ASXL2: variants seen among roughly 807,000 people sequenced by gnomAD.
The protein encoded by ASXL2 is putative Polycomb group protein ASXL2.
Under a neutral mutation model 122.0 loss-of-function variants are expected in ASXL2, and 23 were observed. That is an observed-to-expected ratio of 0.19 (90% CI 0.14 to 0.27). The LOEUF (loss-of-function observed/expected upper bound fraction) is 0.27. ASXL2 is among the 10% of genes least tolerant of loss of function. The probability of loss-of-function intolerance (pLI) is 1.00; values close to 1 mark genes in which losing one functional copy is unlikely to be tolerated. For synonymous variants in ASXL2, 650 were observed against 637.0 expected (o/e 1.02, Z -0.31); for missense variants, 1,518 against 1,713.8 (o/e 0.89, Z 2.02).
At chr2:25,861,975 A>T (rs192084327) in intron 1 of ASXL2, among the ~76,000 whole-genome samples, 151 of 152,352 alleles carry the variant, frequency 9.9e-4, no homozygotes, top group Admixed American at 2.7e-3. Flanking sequence ...ACTGTATCAG[A>T]TGGTAGAATG....
chr2:25,867,216 T>C (rs929131911), intron 1 of ASXL2, among the ~76,000 whole-genome samples: 2 of 152,268 alleles, frequency 1.3e-5, no homozygotes, highest in East Asian at 1.9e-4. Flanking sequence ...TTTGTATTTT[T>C]AGTAGAGACA....
chr2:25,800,424 A>C (rs576516093), intron 4 of ASXL2, among the ~76,000 whole-genome samples: 1 of 152,234 alleles, frequency 6.6e-6, no homozygotes, highest in East Asian at 2.0e-4. Context: ...CATTATTTGA[A>C]TCTAATTGGT....
In ASXL2 at chr2:25,743,735, G is replaced by A. The variant is rs1236115035; in HGVS notation, c.2602C>T (p.Pro868Ser). Residue 868 changes from proline (P) to serine (S), a missense_variant, in exon 13 of 13, where the codon CCT becomes TCT. Pro to Ser is a moderately conservative substitution (Grantham distance 74). This residue lies in a region of ASXL2 where 831 missense variants were observed against 833.1 expected (regional missense o/e 1.00). Coordinates refer to ENST00000435504, the MANE Select transcript of ASXL2 (RefSeq NM_018263.6). The stretch of plus-strand genomic sequence containing the variant: ...GCATCTGTCTTTGATGAGGCTGAAG[G>A]GTTAGGTATATTCTTACTAGGACCT... The part of the protein sequence containing the change: ...KAGPSKNIPN[P>S]SASSKTDASV... 1 of 1,613,972 alleles carries A rather than the reference G, an allele frequency of 6.2e-7. No individual in the cohort carries two copies. The highest frequency in any genetic ancestry group is 1.7e-5 in the Admixed American group (1 of 60,026).
rs2087916811 is a variant in ASXL2, at chr2:25,744,977, A to T, written c.1861-501T>A. Among the ~76,000 whole-genome samples, 1 of 133,052 alleles carries T rather than the reference A, an allele frequency of 7.5e-6. No homozygotes were observed. Among genetic ancestry groups the T allele is most frequent in the Admixed American group, 7.9e-5 (1 of 12,594 alleles). The allele number at this position is 133,052 out of a possible 152,430, so 87.3% of individuals were successfully genotyped here. A position where few individuals can be genotyped will look rare whatever the true frequency, so the allele number is the denominator to read the frequency against. ...CACACACACACACACACACACACAC[A>T]CACTTGGGCTGGATTATCTCAAATT... On this transcript the variant is annotated intron_variant, in intron 12 of 12. Coordinates refer to ENST00000435504, the MANE Select transcript of ASXL2 (RefSeq NM_018263.6). The surrounding 1 kb of genome is among the most constrained non-coding windows in gnomAD (Gnocchi z 4.7).
At chr2:25,768,952 G>GGCCTA in intron 6 of ASXL2, 84 bp from the exon 7 acceptor site, 1 of 1,420,332 alleles carries the variant, frequency 7.0e-7, no homozygotes, top group Non-Finnish European at 9.5e-7. Flanking sequence ...TAAATGGCAA[G>GGCCTA]AAGCATGCTG....
chr2:25,855,268 C>T (rs529158145), intron 1 of ASXL2, among the ~76,000 whole-genome samples: 18 of 152,256 alleles, frequency 1.2e-4, no homozygotes, highest in African/African-American at 4.3e-4. Flanking sequence ...ACAGGCCAGG[C>T]GCAGTGGCTC....
Position 25,749,760 on chromosome 2 carries a change from A to C in ASXL2, c.1796T>G (p.Val599Gly). The C allele has an allele frequency of 1.3e-6, 2 of 1,588,986 alleles. No individual in the cohort carries two copies. The highest frequency in any genetic ancestry group is 1.7e-6 in the Non-Finnish European group (2 of 1,171,674). ...TCTATTGAGAAAGGGCTGTGGTGAG[A>C]CCTGAAATGGCTGCTGGTGCTGGCG... ...ENRQHQQPFQ[V>G]SPQPFLNRGD... Residue 599 changes from valine (V) to glycine (G), a missense_variant, in exon 12 of 13, where the codon GTC becomes GGC. This residue lies in a region of ASXL2 where 292 missense variants were observed against 293.5 expected (regional missense o/e 1.00). Transcript: ENST00000435504.
At chr2:25,828,659 A>C (rs1325928157) in intron 3 of ASXL2, among the ~76,000 whole-genome samples, 1 of 151,598 alleles carries the variant, frequency 6.6e-6, no homozygotes, top group Non-Finnish European at 1.5e-5. Context: ...CCCCATCTCT[A>C]CTAAAAATAC....
In ASXL2 at chr2:25,741,867, A is replaced by G. The variant is rs985206963; in HGVS notation, c.*162T>C. The G allele has an allele frequency of 1.5e-5, 10 of 681,940 alleles. No individual in the cohort carries two copies. The African/African-American group carries it at 1.6e-4, about 11-fold the overall frequency. 42.2% of individuals were successfully genotyped at this position (681,940 alleles called of 1,614,324 possible). On this transcript the variant is annotated 3_prime_UTR_variant, in exon 13 of 13. Transcript: ENST00000435504. ...CTATACAAGGTGCTCTTCCTCTAAA[A>G]TGTAAAAAATCTGTACTTTGTATTC...
intron 1 of ASXL2, among the ~76,000 whole-genome samples, chr2:25,855,107 G>C (rs1284493633): frequency 6.6e-6 from 1 of 152,154 alleles, no homozygotes; most frequent in Middle Eastern, 3.2e-3. Context: ...CCTTTTGACA[G>C]ATACCTCAAA....
chr2:25,761,546 G>A (rs1226815300), intron 8 of ASXL2, among the ~76,000 whole-genome samples: 1 of 151,888 alleles, frequency 6.6e-6, no homozygotes, highest in Non-Finnish European at 1.5e-5. Context: ...GGTGGTGCGC[G>A]CCTGTAATCC....
intron 2 of ASXL2, among the ~76,000 whole-genome samples, chr2:25,840,290 T>C (rs1024746883): frequency 2.0e-5 from 3 of 152,212 alleles, no homozygotes; most frequent in Non-Finnish European, 4.4e-5. Flanking sequence ...ACCACCTAAC[T>C]TCTTAAAGGG....
At chr2:25,827,292 C>A (rs569051439) in intron 3 of ASXL2, among the ~76,000 whole-genome samples, 11 of 152,178 alleles carry the variant, frequency 7.2e-5, no homozygotes, top group Non-Finnish European at 1.0e-4. Context: ...AACTTTAAGA[C>A]CAAAAATAGA....
At chr2:25,852,198 TGAATAACCACTCA>T (rs1194029807) in intron 1 of ASXL2, among the ~76,000 whole-genome samples, 1 of 152,226 alleles carries the variant, frequency 6.6e-6, no homozygotes, top group African/African-American at 2.4e-5. Flanking sequence ...TATGACAATA[TGAATAACCACTCA>T]GAATAACTAA....
intron 3 of ASXL2, among the ~76,000 whole-genome samples, chr2:25,830,395 G>T (rs2089435811): frequency 7.9e-5 from 12 of 152,196 alleles, no homozygotes; most frequent in Admixed American, 7.9e-4. Flanking sequence ...ACTTTGGGAG[G>T]CCGAGACAGG....
At chr2:25,791,823 A>C (rs957751379) in intron 5 of ASXL2, among the ~76,000 whole-genome samples, 1 of 152,116 alleles carries the variant, frequency 6.6e-6, no homozygotes, top group African/African-American at 2.4e-5. Flanking sequence ...AAATATAAAC[A>C]CATGTGATTT....
At chr2:25,835,310 G>A (rs1028466075) in intron 3 of ASXL2, among the ~76,000 whole-genome samples, 5 of 151,850 alleles carry the variant, frequency 3.3e-5, no homozygotes, top group Non-Finnish European at 1.5e-5. Flanking sequence ...AATGTAGATC[G>A]GATTTCTAAA....
Position 25,735,147 on chromosome 2 carries a change from T to G in ASXL2, c.*6882A>C, listed in dbSNP as rs1160970672. 6 of 152,226 alleles carry G rather than the reference T, an allele frequency of 3.9e-5. No individual in the cohort carries two copies. The East Asian group carries it at 1.2e-3, about 29-fold the overall frequency. 9.4% of individuals were successfully genotyped at this position (152,226 alleles called of 1,614,324 possible). A position where few individuals can be genotyped will look rare whatever the true frequency, so the allele number is the denominator to read the frequency against. ...ATCCTTTCTGGCTCTTTTCCTGGTT[T>G]CGCTTTTTCTTCCTGTTACAAGATC... On this transcript the variant is annotated 3_prime_UTR_variant, in exon 13 of 13. Coordinates refer to ENST00000435504, the MANE Select transcript of ASXL2 (RefSeq NM_018263.6).
Position 25,878,354 on chromosome 2 carries a change from A to C in ASXL2, c.-132T>G. 8.4e-6 allele frequency: 6 copies of C among 710,214 alleles called. No individual in the cohort carries two copies. The highest frequency in any genetic ancestry group is 1.1e-5 in the Non-Finnish European group (5 of 449,388). The allele number at this position is 710,214 out of a possible 1,614,324, so 44.0% of individuals were successfully genotyped here. On this transcript the variant is annotated 5_prime_UTR_variant, in exon 1 of 13. Transcript: ENST00000435504. ...AAAAGGGAAGTCAGACCGGGGGGGC[A>C]CCCAAGCAGAGGAAGCGGCGGGGGT...
Sources: gnomAD v4.1 joint callset for allele counts (sites outside exome capture counted in the v4.1 genomes callset) on GRCh38, gnomAD v4.1.1 for gene constraint, gnomAD v4.1.1 regional missense constraint, Gnocchi (gnomAD v3.1) non-coding constraint, MANE v1.5 for transcripts, NCBI Gene and HGNC (gene_info 2026-07-23, HGNC 2026-07-21) for gene names.